ERBB4: variants seen among roughly 807,000 people sequenced by gnomAD.
ERBB4 encodes the protein erb-b2 receptor tyrosine kinase 4.
A neutral mutation model predicts 158.0 loss-of-function variants in ERBB4; 42 were observed. The observed-to-expected ratio is 0.27, with a 90% CI of 0.21 to 0.34. ERBB4 has a LOEUF of 0.34. Among genes scored for constraint, ERBB4 ranks in the 10% least tolerant of loss-of-function variants. The probability of loss-of-function intolerance (pLI) is 1.00; values close to 1 mark genes in which losing one functional copy is unlikely to be tolerated. For synonymous variants in ERBB4, 583 were observed against 558.7 expected (o/e 1.04, Z -0.61); for missense variants, 1,333 against 1,624.1 (o/e 0.82, Z 3.08).
At chr2:212,018,621 G>A (rs919614550) in intron 2 of ERBB4, among the ~76,000 whole-genome samples, 1 of 152,130 alleles carries the variant, frequency 6.6e-6, no homozygotes, top group Non-Finnish European at 1.5e-5. Context: ...ATAGAGAAAT[G>A]CATTTACTCA....
intron 3 of ERBB4, among the ~76,000 whole-genome samples, chr2:211,801,984 G>A (rs1418197140): frequency 6.6e-6 from 1 of 152,174 alleles, no homozygotes; most frequent in Non-Finnish European, 1.5e-5. Flanking sequence ...TACAGGCCGG[G>A]CACGGTGGCT....
chr2:211,778,300 A>G (rs1449819466), intron 4 of ERBB4: 2 of 152,144 alleles, frequency 1.3e-5, no homozygotes, highest in Non-Finnish European at 2.9e-5. Context: ...AACTAACCAC[A>G]AAGATATCGG....
At position 212,217,114 on chromosome 2, in the gene ERBB4, T is replaced by C. The variant is rs540803799; in HGVS notation, c.83-92211A>G. 4.7e-4 allele frequency among the ~76,000 whole-genome samples: 71 copies of C among 151,494 alleles called. 1 individual carries two copies. The highest frequency in any genetic ancestry group is 8.6e-4 in the Non-Finnish European group (58 of 67,500). Reference sequence around the variant, plus strand: ...GAGGAGAATTAAAAGATAATTTTATTATTAGCTTGGATGCTAGAATATAAT... The same window carrying C: ...GAGGAGAATTAAAAGATAATTTTATCATTAGCTTGGATGCTAGAATATAAT... On this transcript the variant is annotated intron_variant, in intron 1 of 27. Coordinates refer to ENST00000342788, the MANE Select transcript of ERBB4 (RefSeq NM_005235.3).
At chr2:212,344,131 C>G (rs1459314542) in intron 1 of ERBB4, among the ~76,000 whole-genome samples, 1 of 152,074 alleles carries the variant, frequency 6.6e-6, no homozygotes, top group Admixed American at 6.6e-5. Flanking sequence ...GCATTATATA[C>G]AGGTAGTTAT....
chr2:212,104,502 T>C (rs2079170026), intron 2 of ERBB4, among the ~76,000 whole-genome samples: 1 of 152,124 alleles, frequency 6.6e-6, no homozygotes, highest in African/African-American at 2.4e-5. Context: ...CATAGAAACA[T>C]GTCTAACGAA....
rs568038645 is a variant in ERBB4 at position 212,348,997 on chromosome 2, A to T, written c.82+189452T>A. On this transcript the variant is annotated intron_variant, in intron 1 of 27. Coordinates refer to ENST00000342788, the MANE Select transcript of ERBB4 (RefSeq NM_005235.3). The stretch of plus-strand genomic sequence containing the variant: ...AAGCCAGTCTGTGTGTGGTGGTCCT[A>T]TAGGTGGACCTCTGCTTTCACAAAC... 2.6e-5 allele frequency among the ~76,000 whole-genome samples: 4 copies of T among 152,242 alleles called. No homozygotes were observed. In the East Asian group the frequency reaches 7.7e-4, roughly 29 times the overall value.
At chr2:211,881,255 T>C (rs2078652897) in intron 3 of ERBB4, among the ~76,000 whole-genome samples, 1 of 152,310 alleles carries the variant, frequency 6.6e-6, no homozygotes, top group South Asian at 2.1e-4. Context: ...GCAAAGGTCA[T>C]GGTGATACAG....
intron 2 of ERBB4, among the ~76,000 whole-genome samples, chr2:212,085,460 C>T (rs2078574881): frequency 1.3e-5 from 2 of 151,752 alleles, no homozygotes; most frequent in South Asian, 4.1e-4. Flanking sequence ...TTAGGCACAT[C>T]CTCAACCTCT....
chr2:211,413,306 A>AAAAAAAAAAAAAAAAAC (rs1360778484), intron 25 of ERBB4, among the ~76,000 whole-genome samples: 1 of 57,168 alleles, frequency 1.7e-5, no homozygotes, highest in Non-Finnish European at 3.8e-5. Flanking sequence ...ACCCTGTCTT[A>AAAAAAAAAAAAAAAAAC]AAAACACACA....
At chr2:212,305,720 T>C (rs937754130) in intron 1 of ERBB4, among the ~76,000 whole-genome samples, 1 of 151,416 alleles carries the variant, frequency 6.6e-6, no homozygotes, top group South Asian at 2.1e-4. Context: ...CAACACTTGA[T>C]AAAAATACAT....
chr2:211,856,371 T>TATTTATTC (rs2077861017), intron 3 of ERBB4, among the ~76,000 whole-genome samples: 1 of 95,710 alleles, frequency 1.0e-5, no homozygotes, highest in Non-Finnish European at 2.2e-5. Context: ...AATTTCTATT[T>TATTTATTC]ATTTATTTAT....
At chr2:211,581,626 A>C (rs11691078) in intron 19 of ERBB4, among the ~76,000 whole-genome samples, 114,994 of 152,000 alleles carry the variant, frequency 0.76, 45,110 homozygotes, top group East Asian at 0.89. Flanking sequence ...TTTTGCTTCT[A>C]GGCACTGCTC....
At chr2:211,771,924 C>T (rs189236152) in intron 4 of ERBB4, among the ~76,000 whole-genome samples, 3 of 152,218 alleles carry the variant, frequency 2.0e-5, no homozygotes, top group Admixed American at 2.0e-4. Flanking sequence ...AGGCCAACTA[C>T]TAAAAATTTC....
At chr2:212,092,299 C>T (rs1376925597) in intron 2 of ERBB4, among the ~76,000 whole-genome samples, 1 of 152,140 alleles carries the variant, frequency 6.6e-6, no homozygotes, top group African/African-American at 2.4e-5. Context: ...TCAGATATTA[C>T]ACTGACTTGT....
intron 7 of ERBB4, among the ~76,000 whole-genome samples, chr2:211,716,504 G>A (rs1177269607): frequency 2.7e-5 from 4 of 149,974 alleles, no homozygotes; most frequent in Non-Finnish European, 4.4e-5. Context: ...GTGAAACCCC[G>A]TCTCTACTAA....
At chr2:211,410,366 C>T (rs1039760890) in intron 25 of ERBB4, among the ~76,000 whole-genome samples, 2 of 152,130 alleles carry the variant, frequency 1.3e-5, no homozygotes, top group Admixed American at 6.5e-5. Context: ...AAATATTTCA[C>T]CTCTTTCACA....
intron 25 of ERBB4, among the ~76,000 whole-genome samples, chr2:211,411,878 A>G (rs992888173): frequency 3.9e-5 from 6 of 152,206 alleles, no homozygotes; most frequent in Admixed American, 3.9e-4. Context: ...TAAATGATAA[A>G]GCATGGAAAT....
intron 2 of ERBB4, among the ~76,000 whole-genome samples, chr2:212,046,253 A>G (rs2077259287): frequency 1.3e-5 from 2 of 152,358 alleles, no homozygotes; most frequent in East Asian, 3.9e-4. Context: ...GTTTGGTGCT[A>G]CGAGACACCT....
intron 20 of ERBB4, among the ~76,000 whole-genome samples, chr2:211,519,924 G>A (rs2066143080): frequency 1.3e-5 from 2 of 152,248 alleles, no homozygotes; most frequent in South Asian, 4.1e-4. Flanking sequence ...GTATCTCTGA[G>A]TTTTGTCCTA....
Sources: gnomAD v4.1 joint callset for allele counts (sites outside exome capture counted in the v4.1 genomes callset) on GRCh38, gnomAD v4.1.1 for gene constraint, MANE v1.5 for transcripts, NCBI Gene and HGNC (gene_info 2026-07-23, HGNC 2026-07-21) for gene names.